Variants in POM121 observed in about 807,000 individuals in gnomAD.
POM121 encodes nuclear envelope pore membrane protein POM 121.
Under a neutral mutation model 81.3 loss-of-function variants are expected in POM121, and 32 were observed. That is an observed-to-expected ratio of 0.39 (90% CI 0.30 to 0.53). The LOEUF is 0.53. Among genes scored for constraint, POM121 ranks in the 20% least tolerant of loss-of-function variants. POM121 has a pLI of 0.66. For synonymous variants in POM121, 514 were observed against 694.2 expected (o/e 0.74, Z 4.08); for missense variants, 1,138 against 1,614.6 (o/e 0.70, Z 5.06).
At chr7:72,894,926 C>CTACAGTCGTCATAT (rs1791788213) in intron 3 of POM121, among the ~76,000 whole-genome samples, 1 of 152,126 alleles carries the variant, frequency 6.6e-6, no homozygotes, top group African/African-American at 2.4e-5. Context: ...CTCCTGGGCT[C>CTACAGTCGTCATAT]GAGCAACCCT....
rs190050167 is a variant in POM121, at chr7:72,899,575, A to C, written c.-216+8465A>C. ...ATTTATTCTGCCTGCTTGATATTAC[A>C]TTTTTTTTTTTTTTTTTTTTTGAGA... On this transcript the variant is annotated intron_variant, in intron 3 of 15. Coordinates refer to the POM121 transcript ENST00000395270. Among the ~76,000 whole-genome samples the C allele has an allele frequency of 8.0e-4, 97 of 121,462 alleles. 1 individual carries two copies. Among genetic ancestry groups the C allele is most frequent in the Admixed American group, 6.6e-3 (75 of 11,368 alleles). The allele number at this position is 121,462 out of a possible 152,430, so 79.7% of individuals were successfully genotyped here.
chr7:72,935,645 G>A (rs1296896038), intron 5 of POM121, among the ~76,000 whole-genome samples: 1 of 150,886 alleles, frequency 6.6e-6, no homozygotes, highest in Non-Finnish European at 1.5e-5. Context: ...CACACCTGGC[G>A]AATTTTTGTA....
intron 1 of POM121, among the ~76,000 whole-genome samples, chr7:72,888,834 C>A (rs1270439868): frequency 6.6e-6 from 1 of 151,864 alleles, no homozygotes; most frequent in Non-Finnish European, 1.5e-5. Flanking sequence ...AATGAAGTAT[C>A]CATCAGTTTC....
In POM121 at chr7:72,926,449, C is replaced by A. The variant is rs533967943; in HGVS notation, c.832C>A (p.Pro278Thr). Residue 278 changes from proline (P) to threonine (T), a missense_variant, in exon 2 of 13, where the codon CCT (proline) becomes ACT (threonine). Coordinates refer to ENST00000434423, the MANE Select transcript of POM121 (RefSeq NM_001387691.1). ...CSPVTVRIAP[P>T]DRRFSRSAIP... ...CCCAGTGACTGTGAGGATCGCCCCTCCTGACAGAAGATTTTCGCGTTCTGC... is the reference window on the plus strand; with the variant it reads ...CCCAGTGACTGTGAGGATCGCCCCTACTGACAGAAGATTTTCGCGTTCTGC... The A allele has an allele frequency of 3.1e-6, 5 of 1,613,968 alleles. No homozygotes were observed. In the East Asian group the frequency reaches 1.1e-4, roughly 36 times the overall value.
chr7:72,927,834 G>A lies in POM121; in HGVS notation c.1023-551G>A, dbSNP rs143262731. 3.9e-5 allele frequency among the ~76,000 whole-genome samples: 6 copies of A among 152,318 alleles called. No homozygotes were observed. In the East Asian group the frequency reaches 9.6e-4, roughly 24 times the overall value. ...CATTTATTGAGCACCCACTGTGTAT[G>A]GGACCCTACTCCAAGTGCTATGGAT... On this transcript the variant is annotated intron_variant, in intron 3 of 12. Coordinates refer to ENST00000434423, the MANE Select transcript of POM121 (RefSeq NM_001387691.1).
intron 5 of POM121, among the ~76,000 whole-genome samples, chr7:72,934,369 G>A (rs1413428539): frequency 3.3e-5 from 5 of 152,360 alleles, no homozygotes; most frequent in Admixed American, 3.3e-4. Flanking sequence ...ACAGGCGTGA[G>A]CCACCACACC....
intron 1 of POM121, among the ~76,000 whole-genome samples, chr7:72,886,486 A>G (rs1255514031): frequency 1.3e-5 from 2 of 152,318 alleles, no homozygotes; most frequent in South Asian, 2.1e-4. Context: ...GGTATCTTTT[A>G]AAGAGATTTA....
chr7:72,949,169 G>T (rs1797914563), downstream of POM121: 1 of 1,291,570 alleles, frequency 7.7e-7, no homozygotes, highest in South Asian at 1.2e-5. Context: ...CCTCGCTCCT[G>T]AAATCCTCGC....
rs368614425 is a variant in POM121, at chr7:72,943,230, C to G, written c.3237C>G (p.Thr1079=). ...CCGGCTTTGGAGCCACCACCCAGACCGCCAGCAGCGGGAGCAGCAGCTCGG... is the reference window on the plus strand; with the variant it reads ...CCGGCTTTGGAGCCACCACCCAGACGGCCAGCAGCGGGAGCAGCAGCTCGG... ...TSSGFGATTQ[T]ASSGSSSSVF... Residue 1079 remains threonine (T), a synonymous_variant, in exon 11 of 13, where the codon ACC becomes ACG. Coordinates refer to ENST00000434423, the MANE Select transcript of POM121 (RefSeq NM_001387691.1). 1.2e-6 allele frequency: 2 copies of G among 1,612,624 alleles called. No homozygotes were observed. The highest frequency in any genetic ancestry group is 1.7e-6 in the Non-Finnish European group (2 of 1,179,736).
chr7:72,898,670 C>T (rs1262625149), intron 3 of POM121, among the ~76,000 whole-genome samples: 19 of 151,560 alleles, frequency 1.3e-4, no homozygotes, highest in Non-Finnish European at 1.3e-4. Flanking sequence ...TGGTGGTGGG[C>T]GCCTGTAATC....
intron 3 of POM121, among the ~76,000 whole-genome samples, chr7:72,898,283 G>A (rs1792173361): frequency 6.6e-6 from 1 of 152,018 alleles, no homozygotes; most frequent in Non-Finnish European, 1.5e-5. Flanking sequence ...ATAGACAGAT[G>A]GAGTCTCACT....
At chr7:72,883,905 A>G (rs1430553312) in intron 1 of POM121, among the ~76,000 whole-genome samples, 1 of 152,034 alleles carries the variant, frequency 6.6e-6, no homozygotes, top group African/African-American at 2.4e-5. Flanking sequence ...TTTATTTACT[A>G]GCCAACATAC....
rs1797000745 is a variant in POM121, at chr7:72,940,966, A to G, written c.1816A>G (p.Thr606Ala). The G allele has an allele frequency of 6.3e-7, 1 of 1,588,948 alleles. No homozygotes were observed. The highest frequency in any genetic ancestry group is 1.1e-5 in the South Asian group (1 of 88,336). Residue 606 changes from threonine to alanine, a missense_variant, in exon 10 of 13, where the codon ACT becomes GCT. Thr to Ala is a moderately conservative substitution (Grantham distance 58, BLOSUM62 0). Coordinates refer to ENST00000434423, the MANE Select transcript of POM121 (RefSeq NM_001387691.1). ...GTTAGAGAGCTTGAAGAAGATGCAGACTCCCCCGAGCCTGCCACCCTGCCC... is the reference window on the plus strand; with the variant it reads ...GTTAGAGAGCTTGAAGAAGATGCAGGCTCCCCCGAGCCTGCCACCCTGCCC... Reference protein sequence around the residue: ...PLLESLKKMQTPPSLPPCPES... With the variant: ...PLLESLKKMQAPPSLPPCPES...
rs782356761 is a variant in POM121, at chr7:72,945,708, G to C, written c.3652G>C (p.Gly1218Arg). The change falls in exon 12 of 13, where the codon GGA becomes CGA. Residue 1218 changes from glycine to arginine, a missense_variant and splice_region_variant. Gly to Arg is a moderately radical substitution (Grantham distance 125). This residue lies in a region of POM121 where 336 missense variants were observed against 344.3 expected (regional missense o/e 0.98). Transcript: ENST00000434423. ...AGGCTTTGTTGGTGTTGCACCTTTCGGTAAGCAGCAAGCCACCCTGTGGCC... is the reference window on the plus strand; with the variant it reads ...AGGCTTTGTTGGTGTTGCACCTTTCCGTAAGCAGCAAGCCACCCTGTGGCC... Reference protein sequence around the residue: ...AQGFVGVAPFGSAALSFSIGA... With the variant: ...AQGFVGVAPFRSAALSFSIGA... The C allele has an allele frequency of 6.2e-7, 1 of 1,607,722 alleles. No individual in the cohort carries two copies. Among genetic ancestry groups the C allele is most frequent in the Non-Finnish European group, 8.5e-7 (1 of 1,177,168 alleles).
At chr7:72,948,645 C>G, downstream of POM121, 1 of 1,603,822 alleles carries the variant, frequency 6.2e-7, no homozygotes, top group Middle Eastern at 1.7e-4. Flanking sequence ...CTGCGCCTCC[C>G]AAGCATGCCC....
downstream of POM121, chr7:72,950,287 A>T: frequency 9.2e-7 from 1 of 1,087,308 alleles, no homozygotes; most frequent in Non-Finnish European, 1.3e-6. Context: ...AAATGTTACC[A>T]CAGCTATGGA....
chr7:72,896,871 G>A (rs1365860403), intron 3 of POM121, among the ~76,000 whole-genome samples: 3 of 152,278 alleles, frequency 2.0e-5, no homozygotes, highest in Admixed American at 2.0e-4. Context: ...ACAGTGAACT[G>A]AACACGTTAC....
chr7:72,903,155 G>T (rs1792877108), intron 3 of POM121, among the ~76,000 whole-genome samples: 1 of 152,114 alleles, frequency 6.6e-6, no homozygotes, highest in Admixed American at 6.5e-5. Context: ...AAAAAAAGAG[G>T]CCAGGCATAG....
At chr7:72,931,023 G>A (rs1235080193) in intron 5 of POM121, among the ~76,000 whole-genome samples, 8 of 152,124 alleles carry the variant, frequency 5.3e-5, no homozygotes. Flanking sequence ...AAGATGTAAA[G>A]CATGTATGGA....
Sources: gnomAD v4.1 joint callset for allele counts (sites outside exome capture counted in the v4.1 genomes callset) on GRCh38, gnomAD v4.1.1 for gene constraint, gnomAD v4.1.1 regional missense constraint, MANE v1.5 for transcripts, NCBI Gene and HGNC (gene_info 2026-07-23, HGNC 2026-07-21) for gene names.